Variants in CLTCL1 observed in about 807,000 individuals in gnomAD.
CLTCL1 encodes the protein clathrin heavy chain 2.
A neutral mutation model predicts 190.0 loss-of-function variants in CLTCL1; 159 were observed. That is an observed-to-expected ratio of 0.84 (90% CI 0.74 to 0.95). CLTCL1 has a LOEUF of 0.95. CLTCL1 is among the 40% of genes least tolerant of loss of function. CLTCL1 has a pLI of 0.00. For synonymous variants in CLTCL1, 752 were observed against 769.6 expected, an observed-to-expected ratio of 0.98 and a Z score of 0.38; for missense variants, 1,878 against 2,033.4, an observed-to-expected ratio of 0.92 and a Z score of 1.47.
chr22:19,240,941 C>T (rs1555965092), intron 4 of CLTCL1, among the ~76,000 whole-genome samples: 1 of 152,210 alleles, frequency 6.6e-6, no homozygotes, highest in Admixed American at 6.5e-5. Flanking sequence ...CATGTGGAGA[C>T]AGCTGGCCAG....
At chr22:19,259,042 T>C (rs2086857495) in intron 2 of CLTCL1, among the ~76,000 whole-genome samples, 1 of 152,008 alleles carries the variant, frequency 6.6e-6, no homozygotes, top group Non-Finnish European at 1.5e-5. Context: ...TAAGAGAAAA[T>C]ATAGGCATAC....
intron 19 of CLTCL1, among the ~76,000 whole-genome samples, chr22:19,211,784 C>CAAAAAAAAAAAAAAAAAAA (rs199971906): frequency 8.8e-6 from 1 of 113,748 alleles, no homozygotes; most frequent in South Asian, 2.9e-4. Context: ...AAAAAAAAAA[C>CAAAAAAAAAAAAAAAAAAA]AAAAACAAAA....
chr22:19,237,389 G>A (rs2086114259), intron 5 of CLTCL1, among the ~76,000 whole-genome samples: 1 of 152,150 alleles, frequency 6.6e-6, no homozygotes, highest in African/African-American at 2.4e-5. Context: ...ATGAGTGGCT[G>A]ATACATCAAT....
chr22:19,221,590 C>T lies in CLTCL1; in HGVS notation c.2583G>A (p.Trp861Ter). ...AGCCTTCCTGAATCTGGGACTCCAG[C>T]CAGGGAAGCAGCAGCTTGAGCCTTT... ...KRNRLKLLLP[W>*]LESQIQEGCE... The change falls in exon 17 of 33, where the codon TGG becomes TGA. Residue 861 changes from tryptophan (W) to a stop codon, truncating the protein, a stop_gained. Transcript: ENST00000427926. LOFTEE classifies it high-confidence loss of function. 6.3e-7 allele frequency: 1 copy of T among 1,592,976 alleles called. No homozygotes were observed. The highest frequency in any genetic ancestry group is 8.6e-7 in the Non-Finnish European group (1 of 1,169,390).
Position 19,219,837 on chromosome 22 carries a change from C to T in CLTCL1, c.2919+48G>A, listed in dbSNP as rs181864053. The T allele has an allele frequency of 5.7e-3, 9,203 of 1,607,296 alleles. 28 individuals are homozygous for T. The highest frequency in any genetic ancestry group is 7.1e-3 in the Non-Finnish European group (8,339 of 1,174,292). On this transcript the variant is annotated intron_variant, in intron 18 of 32. Transcript: ENST00000427926. ...CAGTCACTTGAGCCACAATGATGATCGGACGGCAAAATGCAGGTGTGCAGA... is the reference window on the plus strand; with the variant it reads ...CAGTCACTTGAGCCACAATGATGATTGGACGGCAAAATGCAGGTGTGCAGA...
intron 4 of CLTCL1, among the ~76,000 whole-genome samples, chr22:19,240,925 G>GC (rs2086234326): frequency 6.6e-6 from 1 of 152,200 alleles, no homozygotes; most frequent in Non-Finnish European, 1.5e-5. Context: ...GGCAAGCTCC[G>GC]CCCCACATGT....
At position 19,208,952 on chromosome 22, in the gene CLTCL1, G is replaced by A. The variant is rs1601523085; in HGVS notation, c.3412C>T (p.Leu1138=). 5 of 1,610,506 alleles carry A rather than the reference G, an allele frequency of 3.1e-6. No individual in the cohort carries two copies. The Admixed American group carries it at 8.4e-5, about 27-fold the overall frequency. ...CTGCTGGCTGACTGAACAACTTCCA[G>A]GTAAGAGGAAGGGTCGTCCCCTCTG... ...YIRGDDPSSY[L]EVVQSASRSN... The change falls in exon 21 of 33, where the codon CTG becomes TTG. Residue 1138 remains leucine, a synonymous_variant. Coordinates refer to ENST00000427926, the MANE Select transcript of CLTCL1 (RefSeq NM_007098.4).
At chr22:19,283,789 C>T (rs1461725184) in intron 1 of CLTCL1, among the ~76,000 whole-genome samples, 3 of 151,008 alleles carry the variant, frequency 2.0e-5, no homozygotes, top group South Asian at 2.1e-4. Flanking sequence ...GTCAGGAATT[C>T]GAGACCAGCC....
chr22:19,207,900 C>T (rs2085101100), intron 22 of CLTCL1: 1 of 648,662 alleles, frequency 1.5e-6, no homozygotes, highest in Non-Finnish European at 2.8e-6. Context: ...CTCAGGGCTC[C>T]CACTGAGTCT....
chr22:19,193,950 G>GT (rs1383547023), intron 26 of CLTCL1, among the ~76,000 whole-genome samples: 6 of 152,196 alleles, frequency 3.9e-5, no homozygotes, highest in Admixed American at 3.9e-4. Context: ...CCACAACATG[G>GT]AAAAAGACCC....
chr22:19,224,853 G>T (rs1021802332), intron 13 of CLTCL1, among the ~76,000 whole-genome samples: 2 of 152,212 alleles, frequency 1.3e-5, no homozygotes, highest in Non-Finnish European at 1.5e-5. Context: ...CATGGCAGTG[G>T]CTTGATGCCT....
At chr22:19,270,239 T>C (rs1404055883) in intron 2 of CLTCL1, among the ~76,000 whole-genome samples, 1 of 152,160 alleles carries the variant, frequency 6.6e-6, no homozygotes, top group African/African-American at 2.4e-5. Context: ...TATTGTATGA[T>C]TCCATTTATT....
Position 19,183,399 on chromosome 22 carries a change from G to A in CLTCL1, c.4818C>T (p.Tyr1606=), listed in dbSNP as rs781902251. 6.2e-7 allele frequency: 1 copy of A among 1,613,132 alleles called. No homozygotes were observed. The highest frequency in any genetic ancestry group is 1.7e-5 in the Admixed American group (1 of 59,982). The part of the protein sequence containing the change: ...MPYFIQVMRE[Y]LSKVDKLDAL... ...CCGGCCCGGCACCTACCTTGCTCAG[G>A]TACTCCCTCATCACCTGGATGAAGT... Residue 1606 remains tyrosine (Y), a synonymous_variant, in exon 30 of 33, where the codon TAC becomes TAT. Coordinates refer to ENST00000427926, the MANE Select transcript of CLTCL1 (RefSeq NM_007098.4).
rs1417137240 is a variant in CLTCL1, at chr22:19,198,836, C to T, written c.3873+898G>A. 1.3e-5 allele frequency among the ~76,000 whole-genome samples: 2 copies of T among 152,172 alleles called. No individual in the cohort carries two copies. The highest frequency in any genetic ancestry group is 4.8e-5 in the African/African-American group (2 of 41,434). ...GGCTTTTCTGTTTTGTTCACTGACA[C>T]AATTATTGAGAATAATGCCTAGCAC... On this transcript the variant is annotated intron_variant, in intron 24 of 32. Transcript: ENST00000427926. This position sits in a 1 kb window ranked among gnomAD's most constrained non-coding sequence, Gnocchi z 4.1.
chr22:19,220,460 A>G (rs1376520917), intron 17 of CLTCL1, among the ~76,000 whole-genome samples: 1 of 152,256 alleles, frequency 6.6e-6, no homozygotes, highest in East Asian at 1.9e-4. Context: ...AACTGGTATA[A>G]AACAGCACAA....
At chr22:19,281,397 G>A (rs2087711032) in intron 1 of CLTCL1, among the ~76,000 whole-genome samples, 1 of 151,914 alleles carries the variant, frequency 6.6e-6, no homozygotes, top group African/African-American at 2.4e-5. Flanking sequence ...ACCTAAAAAT[G>A]GTTAAGATGA....
Position 19,187,703 on chromosome 22 carries a change from T to C in CLTCL1, c.4460A>G (p.Tyr1487Cys), listed in dbSNP as rs782202321. ...CAGGCTGATGTTGTCAAAGTTGTCATAGGCATCGATAGATGCCCTTAAGCC... is the reference window on the plus strand; with the variant it reads ...CAGGCTGATGTTGTCAAAGTTGTCACAGGCATCGATAGATGCCCTTAAGCC... The part of the protein sequence containing the change: ...YQGLRASIDA[Y>C]DNFDNISLAQ... The change falls in exon 29 of 33, where the codon TAT becomes TGT. Residue 1487 changes from tyrosine (Y) to cysteine (C), a missense_variant. Coordinates refer to ENST00000427926, the MANE Select transcript of CLTCL1 (RefSeq NM_007098.4). 54 of 1,613,666 alleles carry C rather than the reference T, an allele frequency of 3.3e-5. No homozygotes were observed. The highest frequency in any genetic ancestry group is 4.0e-5 in the African/African-American group (3 of 74,924).
intron 2 of CLTCL1, among the ~76,000 whole-genome samples, chr22:19,260,089 G>A (rs2086892789): frequency 6.6e-6 from 1 of 152,182 alleles, no homozygotes; most frequent in Non-Finnish European, 1.5e-5. Flanking sequence ...TCCACAGCAA[G>A]GCCCTAACTC....
chr22:19,271,598 CTG>C (rs1337997186), intron 2 of CLTCL1, among the ~76,000 whole-genome samples: 8 of 152,174 alleles, frequency 5.3e-5, no homozygotes, highest in African/African-American at 1.7e-4. Context: ...GCCTATGGAA[CTG>C]TGAGTCAATT....
Sources: allele counts gnomAD v4.1 joint callset (sites outside exome capture counted in the v4.1 genomes callset), GRCh38; gene constraint gnomAD v4.1.1; non-coding constraint Gnocchi (gnomAD v3.1); transcripts MANE v1.5; gene names NCBI Gene and HGNC (gene_info 2026-07-23, HGNC 2026-07-21).